Variants in SYT14 observed in about 807,000 individuals in gnomAD.
SYT14 encodes the protein synaptotagmin 14.
Under a neutral mutation model 74.2 loss-of-function variants are expected in SYT14, and 32 were observed. The observed-to-expected ratio is 0.43, with a 90% confidence interval of 0.33 to 0.58. The LOEUF is 0.58. Ranked by LOEUF, SYT14 falls within the 20% of genes least tolerant of loss-of-function variation. The pLI, the probability that SYT14 is intolerant of heterozygous loss-of-function variation, is 0.05. For synonymous variants in SYT14, 298 were observed against 337.7 expected, an observed-to-expected ratio of 0.88 and a Z score of 1.29; for missense variants, 791 against 981.8, an observed-to-expected ratio of 0.81 and a Z score of 2.60.
At chr1:210,098,589 A>T (rs1371953160) in intron 6 of SYT14, among the ~76,000 whole-genome samples, 1 of 152,144 alleles carries the variant, frequency 6.6e-6, no homozygotes, top group African/African-American at 2.4e-5. Context: ...TGAATGTTTC[A>T]CACGTAAATT....
At chr1:210,136,306 G>T (rs2102655057) in intron 7 of SYT14, among the ~76,000 whole-genome samples, 1 of 152,272 alleles carries the variant, frequency 6.6e-6, no homozygotes, top group African/African-American at 2.4e-5. Flanking sequence ...GAAGCAGGAG[G>T]CAGGAATGAG....
intron 5 of SYT14, among the ~76,000 whole-genome samples, chr1:210,088,931 C>T (rs977970449): frequency 6.6e-6 from 1 of 151,674 alleles, no homozygotes; most frequent in South Asian, 2.1e-4. Context: ...GCAGAACATG[C>T]AGGTTTGTTA....
intron 2 of SYT14, among the ~76,000 whole-genome samples, chr1:210,011,477 TC>T (rs1558126987): frequency 6.6e-6 from 1 of 152,174 alleles, no homozygotes; most frequent in African/African-American, 2.4e-5. Context: ...CAGCTAGCAC[TC>T]CTACCGTTCC....
intron 5 of SYT14, among the ~76,000 whole-genome samples, chr1:210,034,013 C>G (rs565281073): frequency 6.6e-6 from 1 of 151,636 alleles, no homozygotes; most frequent in African/African-American, 2.4e-5. Flanking sequence ...TTTTAGTACA[C>G]TAATAAAAAG....
At chr1:210,115,720 T>C (rs1364285050) in intron 7 of SYT14, among the ~76,000 whole-genome samples, 4 of 151,210 alleles carry the variant, frequency 2.6e-5, no homozygotes, top group African/African-American at 7.4e-5. Context: ...ATTGGTGAGA[T>C]GTTCCTTGGG....
chr1:209,974,595 T>C (rs1228558010), intron 2 of SYT14, among the ~76,000 whole-genome samples: 1 of 152,192 alleles, frequency 6.6e-6, no homozygotes, highest in East Asian at 1.9e-4. Context: ...ACCAGTACCA[T>C]GCTGTTTTGG....
chr1:210,140,943 C>A (rs993159021), intron 7 of SYT14, among the ~76,000 whole-genome samples: 6 of 151,510 alleles, frequency 4.0e-5, no homozygotes, highest in African/African-American at 1.2e-4. Context: ...AGTCCTCCAA[C>A]CTTGTTATTG....
At chr1:209,939,489 T>C (rs971793440) in intron 1 of SYT14, among the ~76,000 whole-genome samples, 1 of 152,230 alleles carries the variant, frequency 6.6e-6, no homozygotes, top group Non-Finnish European at 1.5e-5. Flanking sequence ...GGAGTACCTA[T>C]TGTATGCAAG....
intron 5 of SYT14, among the ~76,000 whole-genome samples, chr1:210,030,833 G>T (rs866681290): frequency 3.3e-5 from 5 of 152,304 alleles, no homozygotes; most frequent in South Asian, 2.1e-4. Flanking sequence ...ACAGTTTCTT[G>T]AGAGAGGTTT....
At chr1:209,974,564 G>A (rs1393369381) in intron 2 of SYT14, among the ~76,000 whole-genome samples, 1 of 152,068 alleles carries the variant, frequency 6.6e-6, no homozygotes, top group Non-Finnish European at 1.5e-5. Flanking sequence ...CTGTTCCATT[G>A]GTCTATATCT....
intron 2 of SYT14, chr1:209,953,000 G>C (rs2078936201): frequency 5.6e-6 from 8 of 1,423,550 alleles, no homozygotes; most frequent in Non-Finnish European, 7.5e-6. Flanking sequence ...CATATTGGTT[G>C]TTAGACATGG....
chr1:210,037,263 A>G (rs2080684847), intron 5 of SYT14, among the ~76,000 whole-genome samples: 2 of 151,878 alleles, frequency 1.3e-5, no homozygotes, highest in Admixed American at 1.3e-4. Context: ...TTTCTGTGGT[A>G]TCACTTATAA....
intron 5 of SYT14, among the ~76,000 whole-genome samples, chr1:210,052,321 C>G (rs1393797740): frequency 6.6e-6 from 1 of 151,154 alleles, no homozygotes; most frequent in East Asian, 2.0e-4. Context: ...CCCGGGTTCA[C>G]GCCATTCTCT....
At chr1:210,156,825 T>C in intron 8 of SYT14, 2 of 301,294 alleles carry the variant, frequency 6.6e-6, no homozygotes, top group East Asian at 9.0e-5. Context: ...CCTGAGTAGC[T>C]GGGACTACAG....
At chr1:210,019,334 G>A (rs935069614) in intron 4 of SYT14, among the ~76,000 whole-genome samples, 1 of 152,028 alleles carries the variant, frequency 6.6e-6, no homozygotes, top group African/African-American at 2.4e-5. Flanking sequence ...GGAGTCAGAG[G>A]TCTTAGGCTC....
intron 7 of SYT14, among the ~76,000 whole-genome samples, chr1:210,106,324 G>A (rs1261553443): frequency 1.3e-5 from 2 of 152,174 alleles, no homozygotes; most frequent in Non-Finnish European, 2.9e-5. Context: ...GTCCCTCAGA[G>A]TTGTCCCCAT....
At chr1:210,099,385 T>C (rs909842333) in intron 6 of SYT14, among the ~76,000 whole-genome samples, 4 of 152,238 alleles carry the variant, frequency 2.6e-5, no homozygotes, top group African/African-American at 9.6e-5. Context: ...GAAAATAATA[T>C]GTTTTTAATT....
chr1:210,128,376 C>CAA (rs35998734), intron 7 of SYT14, among the ~76,000 whole-genome samples: 3 of 125,728 alleles, frequency 2.4e-5, no homozygotes, highest in East Asian at 2.2e-4. Flanking sequence ...GACCCTGTCT[C>CAA]AAAAAAAAAA....
chr1:210,027,694 A>C (rs1412208466), intron 5 of SYT14, among the ~76,000 whole-genome samples: 1 of 152,068 alleles, frequency 6.6e-6, no homozygotes, highest in Non-Finnish European at 1.5e-5. Context: ...GTTTATGAAC[A>C]TCTCTCCTCT....
Sources: allele counts gnomAD v4.1 joint callset (sites outside exome capture counted in the v4.1 genomes callset), GRCh38; gene constraint gnomAD v4.1.1; transcripts MANE v1.5; gene names NCBI Gene and HGNC (gene_info 2026-07-23, HGNC 2026-07-21).